The following C14orf132 variants were observed in gnomAD, a reference collection of about 807,000 sequenced individuals.
The protein encoded by C14orf132 is chromosome 14 open reading frame 132, also known as uncharacterized protein C14orf132.
C14orf132 carries 6 observed loss-of-function variants against 5.8 expected under a neutral mutation model. The ratio of observed to expected loss-of-function variants is 1.03; its 90% CI spans 0.57 to 2.04. The LOEUF is 2.04. C14orf132 is among the 30% of genes most tolerant of loss of function. The pLI, the probability that C14orf132 is intolerant of heterozygous loss-of-function variation, is 0.00. For missense variants in C14orf132, 125 were observed against 115.8 expected, an observed-to-expected ratio of 1.08 and a Z score of -0.37; for synonymous variants, 51 against 49.8, an observed-to-expected ratio of 1.02 and a Z score of -0.10.
intron 1 of C14orf132, among the ~76,000 whole-genome samples, chr14:96,044,285 C>G (rs922107955): frequency 1.3e-5 from 2 of 152,180 alleles, no homozygotes; most frequent in Non-Finnish European, 2.9e-5. Context: ...GCAATCTGCC[C>G]ACCTCAACTG....
chr14:96,063,125 CA>C (rs1887414663), intron 1 of C14orf132, among the ~76,000 whole-genome samples: 1 of 152,154 alleles, frequency 6.6e-6, no homozygotes, highest in East Asian at 1.9e-4. Flanking sequence ...GCTGGGTAAG[CA>C]GAGGCCAGGG....
At chr14:96,054,027 T>C (rs1350463021) in intron 1 of C14orf132, among the ~76,000 whole-genome samples, 1 of 152,146 alleles carries the variant, frequency 6.6e-6, no homozygotes, top group Non-Finnish European at 1.5e-5. Flanking sequence ...CCTTAATAAA[T>C]GCCCGCAGTG....
At chr14:96,080,989 C>T (rs1888016576) in intron 1 of C14orf132, among the ~76,000 whole-genome samples, 1 of 152,188 alleles carries the variant, frequency 6.6e-6, no homozygotes, top group Admixed American at 6.5e-5. Flanking sequence ...CACTCGTATA[C>T]CCACTGACCA....
chr14:96,080,883 C>A (rs1888012396), intron 1 of C14orf132, among the ~76,000 whole-genome samples: 1 of 152,220 alleles, frequency 6.6e-6, no homozygotes, highest in Non-Finnish European at 1.5e-5. Flanking sequence ...ATCCCACGGC[C>A]ACAACTGATT....
intron 1 of C14orf132, among the ~76,000 whole-genome samples, chr14:96,072,403 GC>G (rs1340952186): frequency 6.6e-6 from 1 of 152,194 alleles, no homozygotes; most frequent in Non-Finnish European, 1.5e-5. Context: ...CCTCCCAGGG[GC>G]CCTGAGGACT....
chr14:96,048,818 G>A (rs956665227), intron 1 of C14orf132, among the ~76,000 whole-genome samples: 3 of 152,018 alleles, frequency 2.0e-5, no homozygotes, highest in Admixed American at 6.6e-5. Flanking sequence ...GAGCCACCAC[G>A]CCCAGCCTGC....
chr14:96,074,548 GTTT>G (rs11311729), intron 1 of C14orf132, among the ~76,000 whole-genome samples: 7 of 145,440 alleles, frequency 4.8e-5, no homozygotes, highest in Admixed American at 6.8e-5. Flanking sequence ...TAAGGCATGA[GTTT>G]TTTTTTTTTT....
chr14:96,048,095 G>A (rs1490659682), intron 1 of C14orf132, among the ~76,000 whole-genome samples: 2 of 152,326 alleles, frequency 1.3e-5, no homozygotes, highest in East Asian at 3.9e-4. Flanking sequence ...GGCTGAGGCA[G>A]GAGAATCGCT....
chr14:96,076,554 GGAA>G (rs1299404464), intron 1 of C14orf132, among the ~76,000 whole-genome samples: 1 of 152,010 alleles, frequency 6.6e-6, no homozygotes, highest in Non-Finnish European at 1.5e-5. Context: ...GGGCCACATT[GGAA>G]GAAGAAGAAT....
At chr14:96,045,088 T>C (rs1397268141) in intron 1 of C14orf132, among the ~76,000 whole-genome samples, 1 of 152,122 alleles carries the variant, frequency 6.6e-6, no homozygotes, top group East Asian at 1.9e-4. Context: ...ATCTGTGAAA[T>C]GGGGACAAAA....
chr14:96,086,516 C>T lies in C14orf132; in HGVS notation c.33C>T (p.Pro11=), dbSNP rs770146210. 1.6e-5 allele frequency: 24 copies of T among 1,535,932 alleles called. No homozygotes were observed. The South Asian group carries it at 2.0e-4, about 13-fold the overall frequency. The change falls in exon 2 of 2, where the codon CCC becomes CCT. Residue 11 remains proline, a synonymous_variant. Coordinates refer to ENST00000555004, the MANE Select transcript of C14orf132 (RefSeq NM_001252507.3). MDLSFMAAQL[P]MMGGAFMDSP... The stretch of plus-strand genomic sequence containing the variant: ...CTCTCTCTCCTTCTTTGCAGCTGCC[C>T]ATGATGGGGGGAGCTTTCATGGACT...
rs1244782578 is a variant in C14orf132, at chr14:96,092,930, A to C, written c.*6195A>C. The stretch of plus-strand genomic sequence containing the variant: ...GATGCCACCGAACATCCTACAATGC[A>C]CAGGGCAGCCCCCCACAAATAAGAA... On this transcript the variant is annotated 3_prime_UTR_variant, in exon 2 of 2. Coordinates refer to ENST00000555004, the MANE Select transcript of C14orf132 (RefSeq NM_001252507.3). The C allele has an allele frequency of 6.6e-6, 1 of 152,216 alleles. No homozygotes were observed. Among genetic ancestry groups the C allele is most frequent in the African/African-American group, 2.4e-5 (1 of 41,440 alleles). The allele number at this position is 152,216 out of a possible 1,614,324, so 9.4% of individuals were successfully genotyped here.
At chr14:96,081,028 G>T (rs1013122035) in intron 1 of C14orf132, among the ~76,000 whole-genome samples, 9 of 152,166 alleles carry the variant, frequency 5.9e-5, no homozygotes, top group African/African-American at 2.2e-4. Context: ...ATTTCATCAT[G>T]TTTGCCTTGT....
chr14:96,082,017 G>A (rs973265423), intron 1 of C14orf132, among the ~76,000 whole-genome samples: 1 of 152,192 alleles, frequency 6.6e-6, no homozygotes, highest in African/African-American at 2.4e-5. Context: ...CTGGTTGCCA[G>A]TGTCTAACTC....
rs535504938 is a variant in C14orf132, at chr14:96,079,928, G to A, written c.28-6583G>A. On this transcript the variant is annotated intron_variant, in intron 1 of 1. Coordinates refer to ENST00000555004, the MANE Select transcript of C14orf132 (RefSeq NM_001252507.3). ...GATGCACAGTTAAATTTCATTGTCA[G>A]ATAAACAACAAATAATTATTTAGGA... Among the ~76,000 whole-genome samples the A allele has an allele frequency of 3.3e-5, 5 of 152,352 alleles. No homozygotes were observed. In the East Asian group the frequency reaches 5.8e-4, roughly 18 times the overall value.
Position 96,088,791 on chromosome 14 carries a change from G to C in C14orf132, c.*2056G>C, listed in dbSNP as rs1438257448. On this transcript the variant is annotated 3_prime_UTR_variant, in exon 2 of 2. Transcript: ENST00000555004. ...CATGGAGATGGCAGTCGGGAGACAG[G>C]GTTCTGTGTTTGCTGCGGTGAAGGG... 6.6e-6 allele frequency: 1 copy of C among 152,358 alleles called. No individual in the cohort carries two copies. The highest frequency in any genetic ancestry group is 2.4e-5 in the African/African-American group (1 of 41,464). 9.4% of individuals were successfully genotyped at this position (152,358 alleles called of 1,614,324 possible).
At position 96,089,003 on chromosome 14, in the gene C14orf132, C is replaced by G. The variant is rs1888297852; in HGVS notation, c.*2268C>G. On this transcript the variant is annotated 3_prime_UTR_variant, in exon 2 of 2. Transcript: ENST00000555004. Reference sequence around the variant, plus strand: ...TTCAGTGTCAGAGCAGTAGATGGTCCAGGGCATTGGAGGCCTCGACCACTC... The same window carrying G: ...TTCAGTGTCAGAGCAGTAGATGGTCGAGGGCATTGGAGGCCTCGACCACTC... The G allele has an allele frequency of 6.6e-6, 1 of 152,280 alleles. No individual in the cohort carries two copies. Among genetic ancestry groups the G allele is most frequent in the South Asian group, 2.1e-4 (1 of 4,836 alleles). 9.4% of individuals were successfully genotyped at this position (152,280 alleles called of 1,614,324 possible).
At chr14:96,073,880 C>T (rs909563808) in intron 1 of C14orf132, among the ~76,000 whole-genome samples, 1 of 152,144 alleles carries the variant, frequency 6.6e-6, no homozygotes, top group African/African-American at 2.4e-5. Context: ...AGATCATGTC[C>T]TTTGCAGGGA....
rs1206267400 is a variant in C14orf132, at chr14:96,090,938, ATAT to A, written c.*4208_*4210del. The A allele has an allele frequency of 6.6e-6, 3 of 456,120 alleles. No individual in the cohort carries two copies. Among genetic ancestry groups the A allele is most frequent in the Admixed American group, 2.3e-5 (1 of 42,578 alleles). The allele number at this position is 456,120 out of a possible 1,614,324, so 28.3% of individuals were successfully genotyped here. On this transcript the variant is annotated 3_prime_UTR_variant, in exon 2 of 2. Coordinates refer to ENST00000555004, the MANE Select transcript of C14orf132 (RefSeq NM_001252507.3). ...TCATCTGCCTTCATTATTAGCAGTA[ATAT>A]TATTCCCAGTTATTATTCTTACCGG...
Sources: allele counts gnomAD v4.1 joint callset (sites outside exome capture counted in the v4.1 genomes callset), GRCh38; gene constraint gnomAD v4.1.1; transcripts MANE v1.5; gene names NCBI Gene and HGNC (gene_info 2026-07-23, HGNC 2026-07-21).